RBFOX1: variants seen among roughly 807,000 people sequenced by gnomAD.
RBFOX1 encodes the protein RNA binding protein fox-1 homolog 1.
Under a neutral mutation model 57.7 loss-of-function variants are expected in RBFOX1, and 8 were observed. That is an observed-to-expected ratio of 0.14 (90% CI 0.08 to 0.25). The LOEUF is 0.25. Among genes scored for constraint, RBFOX1 ranks in the 10% least tolerant of loss-of-function variants. The probability of loss-of-function intolerance (pLI) is 1.00; values close to 1 mark genes in which losing one functional copy is unlikely to be tolerated. For missense variants in RBFOX1, 611 were observed against 548.5 expected, an observed-to-expected ratio of 1.11 and a Z score of -1.14; for synonymous variants, 326 against 222.4, an observed-to-expected ratio of 1.47 and a Z score of -4.15.
intron 3 of RBFOX1, among the ~76,000 whole-genome samples, chr16:6,658,881 C>G (rs1395637242): frequency 6.6e-6 from 1 of 151,282 alleles, no homozygotes; most frequent in Non-Finnish European, 1.5e-5. Context: ...GTTTTTCACC[C>G]TTTAATAGGA....
At chr16:6,571,151 A>G (rs2097339250) in intron 2 of RBFOX1, among the ~76,000 whole-genome samples, 1 of 152,188 alleles carries the variant, frequency 6.6e-6, no homozygotes, top group Non-Finnish European at 1.5e-5. Flanking sequence ...TCAGGCATAT[A>G]GCCCGTAATT....
intron 2 of RBFOX1, among the ~76,000 whole-genome samples, chr16:5,476,556 C>G (rs980886600): frequency 1.3e-5 from 2 of 152,224 alleles, no homozygotes; most frequent in African/African-American, 4.8e-5. Context: ...CCCTGGCACT[C>G]ACAGGTTTAA....
intron 5 of RBFOX1, among the ~76,000 whole-genome samples, chr16:7,538,757 A>C (rs901319759): frequency 2.6e-5 from 4 of 152,186 alleles, no homozygotes; most frequent in Non-Finnish European, 5.9e-5. Context: ...AGCTTGGTAC[A>C]TATACCACTT....
At chr16:5,731,483 A>T (rs2052371845) in intron 3 of RBFOX1, among the ~76,000 whole-genome samples, 1 of 152,216 alleles carries the variant, frequency 6.6e-6, no homozygotes, top group South Asian at 2.1e-4. Context: ...TACAGAAAAG[A>T]AGACACACCC....
chr16:7,211,638 A>G (rs1431284094), intron 4 of RBFOX1, among the ~76,000 whole-genome samples: 2 of 152,154 alleles, frequency 1.3e-5, no homozygotes, highest in African/African-American at 4.8e-5. Flanking sequence ...AGGGTAATGT[A>G]TTGCATTTCC....
In RBFOX1 at chr16:5,679,016, T is replaced by C. The variant is rs549355711; in HGVS notation, c.318+80055T>C. Among the ~76,000 whole-genome samples the C allele has an allele frequency of 7.2e-4, 110 of 152,314 alleles. 1 individual carries two copies. The highest frequency in any genetic ancestry group is 1.4e-3 in the Non-Finnish European group (92 of 68,026). On this transcript the variant is annotated intron_variant, in intron 3 of 19. Transcript: ENST00000641259. The stretch of plus-strand genomic sequence containing the variant: ...AGGCTAAGATGCAAAATGGGATAAT[T>C]GAACTGTTAGCTGAACTGGAATTTA...
intron 1 of RBFOX1, among the ~76,000 whole-genome samples, chr16:6,215,541 T>C (rs2097330581): frequency 6.6e-6 from 1 of 151,964 alleles, no homozygotes; most frequent in Non-Finnish European, 1.5e-5. Flanking sequence ...CCATGAACGC[T>C]CCCCCAAATC....
chr16:6,763,119 C>T (rs1242020368), intron 3 of RBFOX1, among the ~76,000 whole-genome samples: 3 of 152,212 alleles, frequency 2.0e-5, no homozygotes, highest in Non-Finnish European at 4.4e-5. Context: ...CTGTCTCCTC[C>T]ACCTCTAAAA....
intron 4 of RBFOX1, among the ~76,000 whole-genome samples, chr16:6,005,604 C>A (rs759378214): frequency 3.6e-4 from 55 of 152,184 alleles, no homozygotes; most frequent in Non-Finnish European, 6.3e-4. Flanking sequence ...TATTAAACAG[C>A]CTCCCTGGCC....
chr16:6,173,604 CTTTTTTT>C (rs35528338), intron 1 of RBFOX1, among the ~76,000 whole-genome samples: 10 of 70,948 alleles, frequency 1.4e-4, no homozygotes, highest in Middle Eastern at 0.019. Flanking sequence ...TGACCACTCC[CTTTTTTT>C]TTTTTTTTTT....
At chr16:7,334,789 C>T (rs1388248540) in intron 4 of RBFOX1, among the ~76,000 whole-genome samples, 1 of 152,144 alleles carries the variant, frequency 6.6e-6, no homozygotes, top group Non-Finnish European at 1.5e-5. Context: ...CCTATTTCTT[C>T]CTCCTTTGCA....
chr16:5,728,947 A>T (rs189137118), intron 3 of RBFOX1, among the ~76,000 whole-genome samples: 9 of 152,328 alleles, frequency 5.9e-5, no homozygotes, highest in Non-Finnish European at 1.3e-4. Flanking sequence ...ATAGTGACAA[A>T]CAGTGACAGG....
At chr16:7,193,756 C>G (rs990204708) in intron 4 of RBFOX1, among the ~76,000 whole-genome samples, 1 of 152,152 alleles carries the variant, frequency 6.6e-6, no homozygotes, top group Non-Finnish European at 1.5e-5. Flanking sequence ...CCATGGTAGA[C>G]AGCTCAGAAT....
chr16:6,329,413 A>T (rs1237605334), intron 2 of RBFOX1, among the ~76,000 whole-genome samples: 1 of 152,204 alleles, frequency 6.6e-6, no homozygotes, highest in African/African-American at 2.4e-5. Context: ...GCTGGAGCTG[A>T]GTTTGAATTC....
intron 2 of RBFOX1, among the ~76,000 whole-genome samples, chr16:6,593,954 G>T (rs1316091617): frequency 6.6e-6 from 1 of 152,124 alleles, no homozygotes; most frequent in African/African-American, 2.4e-5. Flanking sequence ...GTTCAATTTG[G>T]CGTTTAGGAT....
chr16:7,410,498 A>C (rs1027918613), intron 4 of RBFOX1, among the ~76,000 whole-genome samples: 1 of 152,300 alleles, frequency 6.6e-6, no homozygotes, highest in South Asian at 2.1e-4. Context: ...CCTGACCAAC[A>C]TGGAGAAACC....
At chr16:6,438,481 T>G (rs2153020741) in intron 2 of RBFOX1, among the ~76,000 whole-genome samples, 1 of 152,320 alleles carries the variant, frequency 6.6e-6, no homozygotes, top group Admixed American at 6.5e-5. Context: ...TGCTGTGTGC[T>G]TTGCTAGTCA....
At chr16:7,659,422 G>A (rs530036653) in intron 12 of RBFOX1, among the ~76,000 whole-genome samples, 6 of 152,000 alleles carry the variant, frequency 3.9e-5, no homozygotes, top group Non-Finnish European at 8.8e-5. Context: ...TGATGCTTAG[G>A]AACTGTATTT....
At chr16:6,324,663 A>G (rs1162954977) in intron 2 of RBFOX1, among the ~76,000 whole-genome samples, 2 of 152,186 alleles carry the variant, frequency 1.3e-5, no homozygotes, top group Non-Finnish European at 2.9e-5. Context: ...TTAATCACCT[A>G]CCACCTGGCT....
Sources: gnomAD v4.1 joint callset for allele counts (sites outside exome capture counted in the v4.1 genomes callset) on GRCh38, gnomAD v4.1.1 for gene constraint, MANE v1.5 for transcripts, NCBI Gene and HGNC (gene_info 2026-07-23, HGNC 2026-07-21) for gene names.